The following SYBU variants were observed in gnomAD, a reference collection of about 807,000 sequenced individuals.
The protein encoded by SYBU is syntabulin, also known as GOLSYN A protein.
Under a neutral mutation model 35.9 loss-of-function variants are expected in SYBU, and 21 were observed. That is an observed-to-expected ratio of 0.58 (90% confidence interval 0.41 to 0.84). The LOEUF (loss-of-function observed/expected upper bound fraction) is 0.84. Ranked by LOEUF, SYBU falls within the 40% of genes least tolerant of loss-of-function variation. The pLI, the probability that SYBU is intolerant of heterozygous loss-of-function variation, is 0.00. For missense variants in SYBU, 768 were observed against 848.2 expected (o/e 0.91, Z 1.17); for synonymous variants, 319 against 324.3 (o/e 0.98, Z 0.18).
chr8:109,618,631 C>A (rs1396166684), intron 3 of SYBU, among the ~76,000 whole-genome samples: 1 of 152,192 alleles, frequency 6.6e-6, no homozygotes, highest in Non-Finnish European at 1.5e-5. Context: ...AATGAATACA[C>A]ATGTCACTAT....
rs184197489 is a variant in SYBU at position 109,592,986 on chromosome 8, C to T, written c.428-6824G>A. On this transcript the variant is annotated intron_variant, in intron 3 of 6. Transcript: ENST00000276646. ...AAAGTGCTTGACACACTCATAAATACGAATCTTAAAATTATTATTAATAAT... is the reference window on the plus strand; with the variant it reads ...AAAGTGCTTGACACACTCATAAATATGAATCTTAAAATTATTATTAATAAT... Among the ~76,000 whole-genome samples, 479 of 152,168 alleles carry T rather than the reference C, an allele frequency of 3.1e-3. 1 individual carries two copies. The highest frequency in any genetic ancestry group is 6.8e-3 in the Middle Eastern group (2 of 294).
In SYBU at chr8:109,612,890, G is replaced by T. The variant is rs376145849; in HGVS notation, c.427+5952C>A. On this transcript the variant is annotated intron_variant, in intron 3 of 6. Transcript: ENST00000276646. ...AGCTACTTGGGAGGCTGAGAAGGGAGAATTGCTTGAACCTGGGAGGCGGAG... is the reference window on the plus strand; with the variant it reads ...AGCTACTTGGGAGGCTGAGAAGGGATAATTGCTTGAACCTGGGAGGCGGAG... Among the ~76,000 whole-genome samples, 4 of 150,596 alleles carry T rather than the reference G, an allele frequency of 2.7e-5. No individual in the cohort carries two copies. The East Asian group carries it at 5.9e-4, about 22-fold the overall frequency.
intron 1 of SYBU, among the ~76,000 whole-genome samples, chr8:109,687,932 T>C (rs1817558097): frequency 6.6e-6 from 1 of 152,202 alleles, no homozygotes; most frequent in African/African-American, 2.4e-5. Context: ...TTTTGACAAT[T>C]CACAAGACCA....
intron 1 of SYBU, among the ~76,000 whole-genome samples, chr8:109,664,974 T>G (rs933291372): frequency 1.3e-5 from 2 of 152,228 alleles, no homozygotes; most frequent in Non-Finnish European, 2.9e-5. Flanking sequence ...CTAATTTCCC[T>G]TCATTGATAT....
At chr8:109,641,540 G>A (rs753409356) in intron 2 of SYBU, among the ~76,000 whole-genome samples, 2 of 152,216 alleles carry the variant, frequency 1.3e-5, no homozygotes, top group Non-Finnish European at 2.9e-5. Context: ...AGGGATTCCA[G>A]CCCTTCAGGC....
At chr8:109,601,725 C>T (rs892430987) in intron 3 of SYBU, among the ~76,000 whole-genome samples, 1 of 151,956 alleles carries the variant, frequency 6.6e-6, no homozygotes, top group African/African-American at 2.4e-5. Flanking sequence ...ATCACATGAA[C>T]TAAAACACAG....
chr8:109,626,475 G>T (rs1349013653), intron 2 of SYBU, among the ~76,000 whole-genome samples: 1 of 152,120 alleles, frequency 6.6e-6, no homozygotes, highest in Non-Finnish European at 1.5e-5. Context: ...ACTTTGCAAT[G>T]CTTTTATGAT....
intron 3 of SYBU, among the ~76,000 whole-genome samples, chr8:109,592,306 C>A (rs1824374739): frequency 6.6e-6 from 1 of 152,122 alleles, no homozygotes; most frequent in Admixed American, 6.5e-5. Context: ...TTTTTTAATT[C>A]TCTTTCTGTG....
At chr8:109,670,295 C>T (rs957040891) in intron 1 of SYBU, among the ~76,000 whole-genome samples, 5 of 151,088 alleles carry the variant, frequency 3.3e-5, no homozygotes, top group East Asian at 1.9e-4. Context: ...CTGTGCACAA[C>T]GTGCAGTTTT....
chr8:109,644,350 C>G (rs1815337863), intron 1 of SYBU: 1 of 607,600 alleles, frequency 1.6e-6, no homozygotes, highest in Non-Finnish European at 3.0e-6. Flanking sequence ...ATCACACACA[C>G]AGGATATCAA....
intron 1 of SYBU, among the ~76,000 whole-genome samples, chr8:109,657,528 A>G (rs1563768492): frequency 6.6e-6 from 1 of 152,212 alleles, no homozygotes; most frequent in Non-Finnish European, 1.5e-5. Flanking sequence ...CACATTAGAT[A>G]TTCAACTCCT....
intron 2 of SYBU, among the ~76,000 whole-genome samples, chr8:109,642,445 A>C (rs1815011107): frequency 6.6e-6 from 1 of 152,228 alleles, no homozygotes; most frequent in Non-Finnish European, 1.5e-5. Flanking sequence ...AAAGTATAAT[A>C]AAACAAAGGA....
intron 2 of SYBU, among the ~76,000 whole-genome samples, chr8:109,627,520 A>C (rs1431137826): frequency 6.6e-6 from 1 of 152,220 alleles, no homozygotes; most frequent in Admixed American, 6.5e-5. Context: ...AATTTTAATA[A>C]TATGTTACTG....
rs1334690779 is a variant in SYBU at position 109,691,216 on chromosome 8, G to C, written c.-58+117C>G. ...CCTGGATACCTCCCGCATTGGAAAG[G>C]GTGGTCCTGGGGTCCGGAGCGCCCC... On this transcript the variant is annotated intron_variant, in intron 1 of 7. Coordinates refer to the SYBU transcript ENST00000422135. This position sits in a 1 kb window ranked among gnomAD's most constrained non-coding sequence, Gnocchi z 4.7. The C allele has an allele frequency of 1.6e-6, 1 of 629,326 alleles. No homozygotes were observed. The allele number at this position is 629,326 out of a possible 1,614,324, so 39.0% of individuals were successfully genotyped here. A position where few individuals can be genotyped will look rare whatever the true frequency, so the allele number is the denominator to read the frequency against.
intron 1 of SYBU, among the ~76,000 whole-genome samples, chr8:109,678,340 T>C (rs1202516851): frequency 1.3e-5 from 2 of 151,814 alleles, no homozygotes; most frequent in Non-Finnish European, 2.9e-5. Flanking sequence ...TAGGTTAAGC[T>C]TGAGACTCCA....
At position 109,644,661 on chromosome 8, in the gene SYBU, G is replaced by T. The variant is rs1815396089; in HGVS notation, c.-2C>A. 4 of 1,522,794 alleles carry T rather than the reference G, an allele frequency of 2.6e-6. No homozygotes were observed. In the East Asian group the frequency reaches 1.0e-4, roughly 40 times the overall value. The allele number at this position is 1,522,794 out of a possible 1,614,324, so 94.3% of individuals were successfully genotyped here. On this transcript the variant is annotated 5_prime_UTR_variant, in exon 1 of 7. Coordinates refer to ENST00000276646, the MANE Select transcript of SYBU (RefSeq NM_001099754.2). ...CTTGCTCTCGCGGAGGGGCCCCATC[G>T]CGCCGCTGCCCGCCGGCTCCTCGCG...
chr8:109,664,680 T>C (rs749234286), intron 1 of SYBU, among the ~76,000 whole-genome samples: 1 of 152,002 alleles, frequency 6.6e-6, no homozygotes, highest in African/African-American at 2.4e-5. Flanking sequence ...AAGGAAAAAT[T>C]TGAGTGAGAC....
At chr8:109,593,194 T>C (rs908090704) in intron 3 of SYBU, among the ~76,000 whole-genome samples, 1 of 152,138 alleles carries the variant, frequency 6.6e-6, no homozygotes, top group Non-Finnish European at 1.5e-5. Context: ...ATGAACCATA[T>C]TATGAGGAAG....
intron 3 of SYBU, chr8:109,608,044 T>C (rs1020711491): frequency 4.1e-6 from 5 of 1,225,934 alleles, no homozygotes; most frequent in Non-Finnish European, 5.6e-6. Flanking sequence ...AGTCTCAGAG[T>C]GGGGTATCCA....
Sources: allele counts gnomAD v4.1 joint callset (sites outside exome capture counted in the v4.1 genomes callset), GRCh38; gene constraint gnomAD v4.1.1; non-coding constraint Gnocchi (gnomAD v3.1); transcripts MANE v1.5; gene names NCBI Gene and HGNC (gene_info 2026-07-23, HGNC 2026-07-21).